Variants in TAFA1 observed in about 807,000 individuals in gnomAD.
TAFA1 encodes the protein TAFA chemokine like family member 1, also known as chemokine-like protein TAFA-1.
A neutral mutation model predicts 18.5 loss-of-function variants in TAFA1; 4 were observed. The observed-to-expected ratio is 0.22, with a 90% CI of 0.11 to 0.49. The LOEUF is 0.49. TAFA1 is among the 20% of genes least tolerant of loss of function. TAFA1 has a pLI of 0.98. For missense variants in TAFA1, 147 were observed against 169.0 expected (o/e 0.87, Z 0.72); for synonymous variants, 56 against 55.2 (o/e 1.01, Z -0.06).
chr3:68,033,435 A>G (rs1055613222), intron 2 of TAFA1, among the ~76,000 whole-genome samples: 3 of 152,158 alleles, frequency 2.0e-5, no homozygotes, highest in African/African-American at 7.2e-5. Flanking sequence ...TTTATTTTGT[A>G]TGTTTTTTAA....
intron 3 of TAFA1, among the ~76,000 whole-genome samples, chr3:68,513,858 AC>A (rs1275915498): frequency 6.6e-6 from 1 of 152,146 alleles, no homozygotes; most frequent in African/African-American, 2.4e-5. Flanking sequence ...TTTTGATCAA[AC>A]TATACAGTTT....
At chr3:68,265,670 C>G (rs1354390944) in intron 2 of TAFA1, among the ~76,000 whole-genome samples, 1 of 152,162 alleles carries the variant, frequency 6.6e-6, no homozygotes, top group East Asian at 1.9e-4. Flanking sequence ...GGCCTTACAG[C>G]TGGTTGGAAG....
intron 2 of TAFA1, among the ~76,000 whole-genome samples, chr3:68,390,029 G>C (rs970854604): frequency 2.0e-5 from 3 of 152,132 alleles, no homozygotes; most frequent in Non-Finnish European, 4.4e-5. Context: ...TGGAAAGGGG[G>C]GTGAAGCAAG....
intron 2 of TAFA1, among the ~76,000 whole-genome samples, chr3:68,390,896 A>C (rs2070225724): frequency 1.3e-5 from 2 of 152,208 alleles, no homozygotes. Context: ...TCCACGAAGA[A>C]GGGGAAAAAG....
intron 2 of TAFA1, among the ~76,000 whole-genome samples, chr3:68,239,729 A>G (rs1276637339): frequency 2.0e-5 from 3 of 152,206 alleles, no homozygotes; most frequent in African/African-American, 7.2e-5. Flanking sequence ...GAAGCAGTCC[A>G]TCTGCTTCTT....
intron 2 of TAFA1, among the ~76,000 whole-genome samples, chr3:68,291,606 T>C (rs2068110475): frequency 1.3e-5 from 2 of 151,920 alleles, no homozygotes; most frequent in African/African-American, 4.8e-5. Flanking sequence ...AACGAGTCAT[T>C]GTATAAAAAA....
chr3:68,330,565 T>G (rs2068850026), intron 2 of TAFA1, among the ~76,000 whole-genome samples: 1 of 152,210 alleles, frequency 6.6e-6, no homozygotes, highest in African/African-American at 2.4e-5. Context: ...GTTATCACAC[T>G]TAATCCCCAA....
chr3:68,433,014 G>A (rs965016264), intron 3 of TAFA1, among the ~76,000 whole-genome samples: 18 of 151,896 alleles, frequency 1.2e-4, no homozygotes, highest in Admixed American at 2.0e-4. Flanking sequence ...AGCCTAATCC[G>A]TTCTTCCAAA....
At chr3:68,317,452 A>G (rs1393793504) in intron 2 of TAFA1, among the ~76,000 whole-genome samples, 1 of 152,184 alleles carries the variant, frequency 6.6e-6, no homozygotes, top group East Asian at 1.9e-4. Flanking sequence ...ACTGCAACAG[A>G]AGGTAAAGAG....
At chr3:68,236,381 G>A (rs1006002311) in intron 2 of TAFA1, among the ~76,000 whole-genome samples, 10 of 152,190 alleles carry the variant, frequency 6.6e-5, no homozygotes, top group African/African-American at 2.4e-4. Flanking sequence ...ATGAACTTAT[G>A]AATTACTATC....
chr3:68,426,552 CTGAACTACAG>C (rs1283143607), intron 3 of TAFA1, among the ~76,000 whole-genome samples: 1 of 151,800 alleles, frequency 6.6e-6, no homozygotes, highest in East Asian at 1.9e-4. Context: ...AAATTAAACA[CTGAACTACAG>C]TGTTTCATCA....
intron 3 of TAFA1, among the ~76,000 whole-genome samples, chr3:68,458,280 C>T (rs927106191): frequency 2.6e-5 from 4 of 152,136 alleles, no homozygotes; most frequent in Non-Finnish European, 5.9e-5. Flanking sequence ...TTTCCTGAGG[C>T]CTCCACAGCC....
At chr3:68,135,178 T>C (rs1159442181) in intron 2 of TAFA1, among the ~76,000 whole-genome samples, 11 of 152,336 alleles carry the variant, frequency 7.2e-5, no homozygotes, top group Non-Finnish European at 1.5e-4. Flanking sequence ...TACATTCCAC[T>C]GGCCACACAT....
At chr3:68,158,300 A>G (rs1163824207) in intron 2 of TAFA1, among the ~76,000 whole-genome samples, 1 of 152,148 alleles carries the variant, frequency 6.6e-6, no homozygotes, top group Non-Finnish European at 1.5e-5. Flanking sequence ...GCAAGCTTTG[A>G]GAATCCCTAC....
intron 2 of TAFA1, among the ~76,000 whole-genome samples, chr3:68,197,196 A>G (rs529920487): frequency 6.6e-6 from 1 of 151,954 alleles, no homozygotes; most frequent in South Asian, 2.1e-4. Flanking sequence ...TATTGCCAAT[A>G]CAGGTTTATT....
chr3:68,294,626 T>C (rs2068174659), intron 2 of TAFA1, among the ~76,000 whole-genome samples: 1 of 152,188 alleles, frequency 6.6e-6, no homozygotes, highest in Non-Finnish European at 1.5e-5. Flanking sequence ...GGCTCACATC[T>C]ATAATCTCAG....
intron 2 of TAFA1, among the ~76,000 whole-genome samples, chr3:68,332,361 AT>A (rs1403358050): frequency 6.6e-6 from 1 of 152,140 alleles, no homozygotes; most frequent in African/African-American, 2.4e-5. Context: ...TTTGACAATA[AT>A]TTTTTGGCCA....
intron 2 of TAFA1, among the ~76,000 whole-genome samples, chr3:68,079,872 G>A (rs2064874238): frequency 6.6e-6 from 1 of 152,136 alleles, no homozygotes; most frequent in East Asian, 1.9e-4. Flanking sequence ...TATCCTTGTT[G>A]ACTTTCTGTC....
At chr3:68,214,899 G>C (rs2066636739) in intron 2 of TAFA1, among the ~76,000 whole-genome samples, 1 of 152,030 alleles carries the variant, frequency 6.6e-6, no homozygotes, top group South Asian at 2.1e-4. Context: ...AGTGAGTGGG[G>C]AGTTCCCCAC....
Sources: allele counts gnomAD v4.1 joint callset (sites outside exome capture counted in the v4.1 genomes callset), GRCh38; gene constraint gnomAD v4.1.1; transcripts MANE v1.5; gene names NCBI Gene and HGNC (gene_info 2026-07-23, HGNC 2026-07-21).